The following TTC7B variants were observed in gnomAD, a reference collection of about 807,000 sequenced individuals.
The protein encoded by TTC7B is tetratricopeptide repeat domain 7B.
In TTC7B, 28 loss-of-function variants were observed where a neutral mutation model predicts 106.8. That is an observed-to-expected ratio of 0.26 (90% CI 0.19 to 0.36). The LOEUF (loss-of-function observed/expected upper bound fraction) is 0.36. Among genes scored for constraint, TTC7B ranks in the 10% least tolerant of loss-of-function variants. TTC7B has a pLI of 1.00. For synonymous variants in TTC7B, 405 were observed against 430.6 expected, an observed-to-expected ratio of 0.94 and a Z score of 0.74; for missense variants, 862 against 1,076.4, an observed-to-expected ratio of 0.80 and a Z score of 2.79.
chr14:90,671,107 A>T (rs753021527), intron 9 of TTC7B, among the ~76,000 whole-genome samples: 1 of 152,122 alleles, frequency 6.6e-6, no homozygotes, highest in Non-Finnish European at 1.5e-5. Flanking sequence ...AAACCTTGGC[A>T]CGTAGCTCAA....
Position 90,541,478 on chromosome 14 carries a change from G to A in TTC7B, c.2422C>T (p.Leu808Phe). ...HEVWNGLGEVLQAQGNDAAAT... is the reference protein window; with the variant it reads ...HEVWNGLGEVFQAQGNDAAAT... ...GCCGCATCGTTGCCCTGAGCTTGGA[G>A]GACCTCGCCCAGCCCGTTCCAGACC... Residue 808 changes from leucine (L) to phenylalanine (F), a missense_variant, in exon 20 of 20, where the codon CTC (leucine) becomes TTC (phenylalanine). Transcript: ENST00000328459. 6.2e-7 allele frequency: 1 copy of A among 1,614,096 alleles called. No individual in the cohort carries two copies. Among genetic ancestry groups the A allele is most frequent in the Non-Finnish European group, 8.5e-7 (1 of 1,179,998 alleles).
intron 15 of TTC7B, among the ~76,000 whole-genome samples, chr14:90,635,519 G>C (rs1595229364): frequency 6.6e-6 from 1 of 152,166 alleles, no homozygotes; most frequent in East Asian, 1.9e-4. Flanking sequence ...CCAGCACTTT[G>C]GGAGGCCGAG....
At chr14:90,731,595 G>A (rs1446680769) in intron 4 of TTC7B, among the ~76,000 whole-genome samples, 3 of 152,138 alleles carry the variant, frequency 2.0e-5, no homozygotes, top group Non-Finnish European at 2.9e-5. Context: ...GCCCAGCTCC[G>A]TCCTGACTTA....
Position 90,593,477 on chromosome 14 carries a change from G to C in TTC7B, c.2107+9C>G. ...CACAGCAGCGGGTTGTGGGTGAGGCGGAGGGTACCTGCATGGAGCCAGATC... is the reference window on the plus strand; with the variant it reads ...CACAGCAGCGGGTTGTGGGTGAGGCCGAGGGTACCTGCATGGAGCCAGATC... On this transcript the variant is annotated intron_variant, in intron 18 of 19. Transcript: ENST00000328459. 1 of 1,580,470 alleles carries C rather than the reference G, an allele frequency of 6.3e-7. No individual in the cohort carries two copies. Among genetic ancestry groups the C allele is most frequent in the Non-Finnish European group, 8.6e-7 (1 of 1,160,436 alleles).
At chr14:90,812,888 G>A (rs72695584) in intron 1 of TTC7B, among the ~76,000 whole-genome samples, 6,273 of 152,284 alleles carry the variant, frequency 0.041, 171 homozygotes, top group Non-Finnish European at 0.058. Context: ...CTCTGAAAGT[G>A]TCCACTATTT....
intron 3 of TTC7B, among the ~76,000 whole-genome samples, chr14:90,748,478 C>T (rs1032899012): frequency 6.6e-6 from 1 of 152,042 alleles, no homozygotes. Flanking sequence ...CAGGTGCACA[C>T]CACCACACAT....
intron 16 of TTC7B, among the ~76,000 whole-genome samples, chr14:90,614,562 T>G (rs1281530853): frequency 6.6e-6 from 1 of 152,218 alleles, no homozygotes; most frequent in Non-Finnish European, 1.5e-5. Context: ...AAGAAACTGG[T>G]TGTCAGCTCA....
intron 3 of TTC7B, among the ~76,000 whole-genome samples, chr14:90,756,384 G>GTTTTTTTTTTTTTTTTTTT (rs369068692): frequency 4.7e-5 from 6 of 126,770 alleles, no homozygotes; most frequent in Non-Finnish European, 9.3e-5. Flanking sequence ...TTTTTTTTTT[G>GTTTTTTTTTTTTTTTTTTT]TTTTTTTTTT....
At chr14:90,771,066 T>C (rs60935184) in intron 3 of TTC7B, among the ~76,000 whole-genome samples, 5,582 of 152,166 alleles carry the variant, frequency 0.037, 326 homozygotes, top group African/African-American at 0.13. Flanking sequence ...TGGGGAGTTA[T>C]TGTTTCATGA....
At chr14:90,721,308 T>C (rs1459794027) in intron 5 of TTC7B, among the ~76,000 whole-genome samples, 1 of 152,170 alleles carries the variant, frequency 6.6e-6, no homozygotes, top group Non-Finnish European at 1.5e-5. Flanking sequence ...CTAGCACTTG[T>C]GAAGTACACT....
intron 19 of TTC7B, among the ~76,000 whole-genome samples, chr14:90,548,344 C>G (rs1889924921): frequency 6.6e-6 from 1 of 152,228 alleles, no homozygotes; most frequent in African/African-American, 2.4e-5. Context: ...TCCACCATTA[C>G]CCTTTGCAGG....
At chr14:90,737,088 A>G (rs1374428639) in intron 4 of TTC7B, among the ~76,000 whole-genome samples, 1 of 152,108 alleles carries the variant, frequency 6.6e-6, no homozygotes, top group African/African-American at 2.4e-5. Flanking sequence ...CAACTTAAAC[A>G]TGGAAAATTA....
At chr14:90,637,853 C>T (rs73326847) in intron 15 of TTC7B, among the ~76,000 whole-genome samples, 3 of 152,284 alleles carry the variant, frequency 2.0e-5, no homozygotes, top group African/African-American at 7.2e-5. Flanking sequence ...AAGAAGGAAA[C>T]TTCTTTAATC....
intron 17 of TTC7B, among the ~76,000 whole-genome samples, chr14:90,602,815 G>GT (rs150903752): frequency 0.013 from 1,935 of 152,074 alleles, 37 homozygotes; most frequent in African/African-American, 0.044. Context: ...AAAATTAACA[G>GT]TTAGAATTGC....
intron 2 of TTC7B, 133 bp downstream of exon 2, chr14:90,786,041 G>A: frequency 9.2e-7 from 1 of 1,084,666 alleles, no homozygotes; most frequent in Non-Finnish European, 1.2e-6. Flanking sequence ...CTGGGAGCTG[G>A]CCCGCTTCTA....
Position 90,695,321 on chromosome 14 carries a change from AAC to A in TTC7B, c.777+177_777+178del, listed in dbSNP as rs538111891. ...ATAAATATATGTCACATATATTTAT[AAC>A]ACATATATGTCACATATATTTATTA... On this transcript the variant is annotated intron_variant, in intron 6 of 19. Transcript: ENST00000328459. 1.8e-3 allele frequency among the ~76,000 whole-genome samples: 241 copies of A among 136,484 alleles called. No individual in the cohort carries two copies. The South Asian group carries it at 0.031, about 18-fold the overall frequency. 89.5% of individuals were successfully genotyped at this position (136,484 alleles called of 152,430 possible).
Position 90,580,467 on chromosome 14 carries a change from C to A in TTC7B, c.2108-2159G>T, listed in dbSNP as rs1283467337. Among the ~76,000 whole-genome samples, 3 of 152,220 alleles carry A rather than the reference C, an allele frequency of 2.0e-5. No homozygotes were observed. The East Asian group carries it at 5.8e-4, about 29-fold the overall frequency. The stretch of plus-strand genomic sequence containing the variant: ...AGAACCCCAGCCACCTGGCTGGGAG[C>A]CTGTGCTTGCAGCCCCCACAGAGAA... On this transcript the variant is annotated intron_variant, in intron 18 of 19. Coordinates refer to ENST00000328459, the MANE Select transcript of TTC7B (RefSeq NM_001010854.2).
chr14:90,643,706 C>T (rs893412710), intron 15 of TTC7B, among the ~76,000 whole-genome samples: 2 of 152,016 alleles, frequency 1.3e-5, no homozygotes, highest in African/African-American at 4.8e-5. Flanking sequence ...CCTCAGCCTC[C>T]CGAGGAGCTG....
chr14:90,641,977 C>T (rs573033053), intron 15 of TTC7B, among the ~76,000 whole-genome samples: 7 of 151,100 alleles, frequency 4.6e-5, no homozygotes, highest in Admixed American at 1.3e-4. Flanking sequence ...GGGTGAGACA[C>T]GGAATGAAGC....
Sources: gnomAD v4.1 joint callset for allele counts (sites outside exome capture counted in the v4.1 genomes callset) on GRCh38, gnomAD v4.1.1 for gene constraint, MANE v1.5 for transcripts, NCBI Gene and HGNC (gene_info 2026-07-23, HGNC 2026-07-21) for gene names.